Variants in PUS10 observed in about 807,000 individuals in gnomAD.
PUS10 encodes tRNA pseudouridine synthase Pus10.
PUS10 carries 59 observed loss-of-function variants against 75.0 expected under a neutral mutation model. The observed-to-expected ratio is 0.79, with a 90% CI of 0.64 to 0.98. PUS10 has a LOEUF of 0.98. Ranked by LOEUF, PUS10 falls within the 50% of genes least tolerant of loss-of-function variation. PUS10 has a pLI of 0.00. For missense variants in PUS10, 650 were observed against 614.4 expected (o/e 1.06, Z -0.61); for synonymous variants, 219 against 211.6 (o/e 1.03, Z -0.30).
chr2:61,013,391 C>T (rs979728444), intron 1 of PUS10, among the ~76,000 whole-genome samples: 7 of 152,190 alleles, frequency 4.6e-5, no homozygotes, highest in African/African-American at 1.7e-4. Context: ...CTCTGAGAGG[C>T]CAAGAACCTA....
Position 61,017,785 on chromosome 2 carries a change from C to G in PUS10, c.-16+223G>C, listed in dbSNP as rs764069625. 97 of 1,550,328 alleles carry G rather than the reference C, an allele frequency of 6.3e-5. No homozygotes were observed. Among genetic ancestry groups the G allele is most frequent in the Admixed American group, 1.2e-4 (6 of 50,938 alleles). On this transcript the variant is annotated intron_variant, in intron 1 of 17. Transcript: ENST00000316752. ...ATGGCGTCCCAGCCGCCACCTCCCC[C>G]CAAACCCTGGGAGACCCGCCGAATT...
intron 10 of PUS10, among the ~76,000 whole-genome samples, chr2:60,960,843 TA>T (rs34578958): frequency 0.73 from 87,830 of 120,656 alleles, 30,419 homozygotes; most frequent in Middle Eastern, 0.85. Flanking sequence ...ATACCAAGGA[TA>T]AAAAAAAAAA....
intron 16 of PUS10, among the ~76,000 whole-genome samples, chr2:60,946,813 C>T (rs1051041539): frequency 6.9e-5 from 10 of 145,976 alleles, no homozygotes; most frequent in African/African-American, 2.3e-4. Context: ...TTGCTTTTTT[C>T]CCATATATAT....
In PUS10 at chr2:61,018,087, C is replaced by A; in HGVS notation, c.-95G>T. ...AACGTTTTTTTCGGGAGCTCCTGGG[C>A]GTCTCTCTGGGTCTCTGTGCTTGAA... On this transcript the variant is annotated 5_prime_UTR_variant, in exon 1 of 18. Coordinates refer to ENST00000316752, the MANE Select transcript of PUS10 (RefSeq NM_144709.4). 2 of 1,521,720 alleles carry A rather than the reference C, an allele frequency of 1.3e-6. No individual in the cohort carries two copies. Among genetic ancestry groups the A allele is most frequent in the Admixed American group, 2.2e-5 (1 of 46,014 alleles). The allele number at this position is 1,521,720 out of a possible 1,614,324, so 94.3% of individuals were successfully genotyped here. A position where few individuals can be genotyped will look rare whatever the true frequency, so the allele number is the denominator to read the frequency against.
At position 61,009,006 on chromosome 2, in the gene PUS10, T is replaced by G; in HGVS notation, c.136A>C (p.Asn46His). Residue 46 changes from asparagine to histidine, a missense_variant, in exon 3 of 18, where the codon AAT becomes CAT. Physicochemically the swap from Asn to His is moderately conservative, Grantham distance 68. Coordinates refer to ENST00000316752, the MANE Select transcript of PUS10 (RefSeq NM_144709.4). ...PYKLPYKELLNELQKFLETEK... is the reference protein window; with the variant it reads ...PYKLPYKELLHELQKFLETEK... Reference sequence around the variant, plus strand: ...GTTTCCAGAAATTTCTGTAGTTCATTGAGCAACTCCTGGAAAGTTAATGAA... The same window carrying G: ...GTTTCCAGAAATTTCTGTAGTTCATGGAGCAACTCCTGGAAAGTTAATGAA... The G allele has an allele frequency of 6.2e-7, 1 of 1,611,796 alleles. No homozygotes were observed. The highest frequency in any genetic ancestry group is 8.5e-7 in the Non-Finnish European group (1 of 1,179,332).
intron 3 of PUS10, among the ~76,000 whole-genome samples, chr2:61,007,969 C>T (rs924680278): frequency 2.0e-5 from 3 of 151,406 alleles, no homozygotes; most frequent in Non-Finnish European, 4.4e-5. Context: ...CCCAGCTACT[C>T]GGGAGGCTGA....
chr2:60,960,252 G>T, intron 11 of PUS10, 140 bp downstream of exon 11: 1 of 546,594 alleles, frequency 1.8e-6, no homozygotes, highest in Non-Finnish European at 2.9e-6. Flanking sequence ...GCCAAGGTGG[G>T]CAGATCGTTT....
At chr2:60,985,386 A>G (rs1677655868) in intron 4 of PUS10, among the ~76,000 whole-genome samples, 1 of 152,250 alleles carries the variant, frequency 6.6e-6, no homozygotes, top group South Asian at 2.1e-4. Flanking sequence ...ACAGAGGAAC[A>G]GTACAAAACA....
At chr2:61,000,384 G>A (rs952709634) in intron 4 of PUS10, among the ~76,000 whole-genome samples, 3 of 152,024 alleles carry the variant, frequency 2.0e-5, no homozygotes, top group Non-Finnish European at 4.4e-5. Context: ...ATTTTCTATT[G>A]CTTCTATAAC....
chr2:60,995,172 C>A (rs533694340), intron 4 of PUS10, among the ~76,000 whole-genome samples: 1 of 152,278 alleles, frequency 6.6e-6, no homozygotes, highest in East Asian at 1.9e-4. Flanking sequence ...TGACCTTCAG[C>A]TTCAATTTCA....
At chr2:60,962,290 G>A (rs912454914) in intron 9 of PUS10, among the ~76,000 whole-genome samples, 1 of 152,178 alleles carries the variant, frequency 6.6e-6, no homozygotes, top group Non-Finnish European at 1.5e-5. Flanking sequence ...AACTTGATTC[G>A]GCCGGGCACG....
At chr2:61,008,720 C>A (rs1182688) in intron 3 of PUS10, 41 bp downstream of exon 3, 428,386 of 1,392,076 alleles carry the variant, frequency 0.31, 67,908 homozygotes, top group East Asian at 0.45. Flanking sequence ...GACTGAAAAT[C>A]TCTACATAAT....
intron 15 of PUS10, among the ~76,000 whole-genome samples, chr2:60,952,463 CAT>C (rs1675402878): frequency 6.6e-6 from 1 of 152,052 alleles, no homozygotes; most frequent in Admixed American, 6.5e-5. Context: ...GAAAATGTCA[CAT>C]GTGGCAAAAT....
chr2:61,004,208 T>G (rs1022139352), intron 4 of PUS10, among the ~76,000 whole-genome samples: 6 of 152,220 alleles, frequency 3.9e-5, no homozygotes, highest in African/African-American at 1.4e-4. Flanking sequence ...ATTCTGAAGA[T>G]ATACGTAACT....
At position 60,973,179 on chromosome 2, in the gene PUS10, C is replaced by A. The variant is rs555972260; in HGVS notation, c.469-1622G>T. Among the ~76,000 whole-genome samples the A allele has an allele frequency of 6.9e-4, 105 of 152,350 alleles. 2 individuals are homozygous for A. The highest frequency in any genetic ancestry group is 6.5e-3 in the Admixed American group (100 of 15,302). The stretch of plus-strand genomic sequence containing the variant: ...ACCATCTCAGGGGTCCACAAGCACC[C>A]GGCCAAAGGCACAGCCGGGACTCGT... On this transcript the variant is annotated intron_variant, in intron 4 of 17. Coordinates refer to ENST00000316752, the MANE Select transcript of PUS10 (RefSeq NM_144709.4).
chr2:60,963,660 T>C (rs1317464313), intron 8 of PUS10, among the ~76,000 whole-genome samples: 1 of 152,182 alleles, frequency 6.6e-6, no homozygotes, highest in Non-Finnish European at 1.5e-5. Context: ...TTCAAAACCA[T>C]ATTCTAGGGA....
chr2:60,959,430 G>A (rs1475823294), intron 11 of PUS10, among the ~76,000 whole-genome samples: 1 of 152,106 alleles, frequency 6.6e-6, no homozygotes, highest in African/African-American at 2.4e-5. Flanking sequence ...TCACTCTTTC[G>A]TCCAGGCTGG....
At chr2:60,977,480 C>T (rs1573448906) in intron 4 of PUS10, among the ~76,000 whole-genome samples, 2 of 152,136 alleles carry the variant, frequency 1.3e-5, no homozygotes, top group Non-Finnish European at 2.9e-5. Context: ...GGCCAAGACT[C>T]GCGGCAGCAC....
intron 4 of PUS10, among the ~76,000 whole-genome samples, chr2:60,973,285 C>G (rs1271975948): frequency 6.6e-6 from 1 of 152,242 alleles, no homozygotes; most frequent in Non-Finnish European, 1.5e-5. Flanking sequence ...CGCAAAGAGG[C>G]AGGCAGTCCC....
Sources: gnomAD v4.1 joint callset for allele counts (sites outside exome capture counted in the v4.1 genomes callset) on GRCh38, gnomAD v4.1.1 for gene constraint, MANE v1.5 for transcripts, NCBI Gene and HGNC (gene_info 2026-07-23, HGNC 2026-07-21) for gene names.